NCKAP5: variants seen among roughly 807,000 people sequenced by gnomAD.
The protein encoded by NCKAP5 is NCK associated protein 5.
In NCKAP5, 92 loss-of-function variants were observed where a neutral mutation model predicts 167.0. That is an observed-to-expected ratio of 0.55 (90% confidence interval 0.47 to 0.66). NCKAP5 has a LOEUF of 0.66. Among genes scored for constraint, NCKAP5 ranks in the 30% least tolerant of loss-of-function variants. The probability of loss-of-function intolerance (pLI) is 0.00; values close to 1 mark genes in which losing one functional copy is unlikely to be tolerated. For missense variants in NCKAP5, 2,378 were observed against 2,315.0 expected (o/e 1.03, Z -0.56); for synonymous variants, 891 against 877.4 (o/e 1.02, Z -0.27).
chr2:133,635,973 T>G, the NCKAP5 span, among the ~76,000 whole-genome samples: 6 of 152,236 alleles, frequency 3.9e-5, no homozygotes, highest in African/African-American at 1.4e-4. Flanking sequence ...ATATTTTAAT[T>G]AATAATTAGA....
intron 6 of NCKAP5, among the ~76,000 whole-genome samples, chr2:133,020,743 G>A (rs1270388889): frequency 1.3e-5 from 2 of 152,228 alleles, no homozygotes; most frequent in Non-Finnish European, 2.9e-5. Flanking sequence ...CACAGGCTAG[G>A]AGGAAGGCGG....
At chr2:132,907,274 A>G (rs1312075866) in intron 8 of NCKAP5, among the ~76,000 whole-genome samples, 1 of 152,184 alleles carries the variant, frequency 6.6e-6, no homozygotes, top group East Asian at 1.9e-4. Context: ...TTGAATATAG[A>G]CTTTTCCAAC....
the NCKAP5 span, among the ~76,000 whole-genome samples, chr2:133,591,232 A>G: frequency 2.0e-5 from 3 of 152,218 alleles, no homozygotes; most frequent in African/African-American, 7.2e-5. Context: ...GATGATCAAC[A>G]TTAAACTAAG....
At position 133,085,305 on chromosome 2, in the gene NCKAP5, C is replaced by T. The variant is rs115018002; in HGVS notation, c.341+44673G>A. Among the ~76,000 whole-genome samples, 515 of 152,250 alleles carry T rather than the reference C, an allele frequency of 3.4e-3. 5 individuals are homozygous for T. Among genetic ancestry groups the T allele is most frequent in the African/African-American group, 0.011 (459 of 41,536 alleles). Reference sequence around the variant, plus strand: ...CTGCAGCAACATTTTAGAGATGATGCAGCATTTAATAGAATCACAAAGCAG... The same window carrying T: ...CTGCAGCAACATTTTAGAGATGATGTAGCATTTAATAGAATCACAAAGCAG... On this transcript the variant is annotated intron_variant, in intron 6 of 19. Transcript: ENST00000409261.
chr2:132,912,302 C>T (rs1309113098), intron 8 of NCKAP5, among the ~76,000 whole-genome samples: 1 of 152,112 alleles, frequency 6.6e-6, no homozygotes, highest in African/African-American at 2.4e-5. Context: ...AGACTTGGTA[C>T]ATAATACCAT....
intron 19 of NCKAP5, among the ~76,000 whole-genome samples, chr2:132,680,700 G>A (rs989950030): frequency 5.3e-5 from 8 of 152,112 alleles, no homozygotes; most frequent in Non-Finnish European, 1.0e-4. Context: ...TATGGAAAAC[G>A]GGGGAAAGAT....
chr2:132,858,893 C>A (rs2148706472), intron 11 of NCKAP5, among the ~76,000 whole-genome samples: 1 of 152,202 alleles, frequency 6.6e-6, no homozygotes, highest in African/African-American at 2.4e-5. Flanking sequence ...AATTCATAAA[C>A]AGGGACTGTA....
rs2081580513 is a variant in NCKAP5 at position 133,103,375 on chromosome 2, T to G, written c.341+26603A>C. 1.3e-5 allele frequency among the ~76,000 whole-genome samples: 2 copies of G among 152,208 alleles called. 1 individual carries two copies. Among genetic ancestry groups the G allele is most frequent in the South Asian group, 4.1e-4 (2 of 4,826 alleles). ...AATTTCAGACAGGTTATCAATATGG[T>G]TAAATATTCTTATTTTTGAAATGAA... is the stretch of plus-strand genomic sequence containing the variant. On this transcript the variant is annotated intron_variant, in intron 6 of 19. Coordinates refer to ENST00000409261, the MANE Select transcript of NCKAP5 (RefSeq NM_207363.3).
intron 2 of NCKAP5, among the ~76,000 whole-genome samples, chr2:133,549,055 CA>C (rs1182725335): frequency 1.3e-5 from 2 of 150,374 alleles, no homozygotes; most frequent in African/African-American, 2.4e-5. Flanking sequence ...AAATGGAAAA[CA>C]AAAAAAGGCA....
At chr2:132,785,763 T>C in intron 13 of NCKAP5, 45 bp from the exon 14 acceptor site, 2 of 1,395,832 alleles carry the variant, frequency 1.4e-6, no homozygotes, top group Non-Finnish European at 1.9e-6. Flanking sequence ...ACCATGTAGA[T>C]CACAAAGATA....
chr2:133,570,801 C>A (rs1178430089), upstream of NCKAP5, among the ~76,000 whole-genome samples: 1 of 152,156 alleles, frequency 6.6e-6, no homozygotes, highest in African/African-American at 2.4e-5. Flanking sequence ...GCTAGTCTAA[C>A]ATTAAGGAAA....
chr2:133,034,094 G>T (rs557097938), intron 6 of NCKAP5, among the ~76,000 whole-genome samples: 1 of 152,132 alleles, frequency 6.6e-6, no homozygotes, highest in Non-Finnish European at 1.5e-5. Context: ...TAAGGCCAAG[G>T]ATAAAGAAAG....
At position 133,459,164 on chromosome 2, in the gene NCKAP5, T is replaced by TGGCA. The variant is rs1692040217; in HGVS notation, c.69+58293_69+58294insTGCC. ...TTTGGCATCTGGCTAAGGAAGGATT[T>TGGCA]TCTTAGCATTTTCCTTCACAAAGCC... On this transcript the variant is annotated intron_variant, in intron 3 of 19. Transcript: ENST00000409261. Among the ~76,000 whole-genome samples, 2 of 152,150 alleles carry TGGCA rather than the reference T, an allele frequency of 1.3e-5. 1 individual carries two copies. Among genetic ancestry groups the TGGCA allele is most frequent in the South Asian group, 4.1e-4 (2 of 4,830 alleles).
intron 4 of NCKAP5, among the ~76,000 whole-genome samples, chr2:133,253,537 C>A (rs1040591606): frequency 3.9e-5 from 6 of 152,134 alleles, no homozygotes; most frequent in Admixed American, 6.6e-5. Flanking sequence ...TGCCCCCATG[C>A]CTTGGACTCC....
chr2:133,027,736 T>C (rs1261303599), intron 6 of NCKAP5, among the ~76,000 whole-genome samples: 3 of 152,248 alleles, frequency 2.0e-5, no homozygotes, highest in African/African-American at 4.8e-5. Context: ...CAACAATGCA[T>C]ATTATATGCT....
chr2:133,543,202 C>A (rs958241274), intron 2 of NCKAP5, among the ~76,000 whole-genome samples: 1 of 152,032 alleles, frequency 6.6e-6, no homozygotes, highest in Admixed American at 6.6e-5. Flanking sequence ...AGACCTGGGG[C>A]CTCCTCCCTC....
At chr2:133,281,593 A>C (rs1304977936) in intron 4 of NCKAP5, among the ~76,000 whole-genome samples, 1 of 152,214 alleles carries the variant, frequency 6.6e-6, no homozygotes, top group Non-Finnish European at 1.5e-5. Flanking sequence ...TACGGAATTG[A>C]AAAATGTTAG....
chr2:133,552,762 GA>G (rs35517588), intron 2 of NCKAP5, among the ~76,000 whole-genome samples: 41,163 of 147,306 alleles, frequency 0.28, 6,189 homozygotes, highest in East Asian at 0.38. Flanking sequence ...AAAAGAAAAA[GA>G]AAAAAAAAAG....
intron 6 of NCKAP5, among the ~76,000 whole-genome samples, chr2:132,995,425 T>C (rs955302244): frequency 1.3e-5 from 2 of 151,828 alleles, no homozygotes; most frequent in Non-Finnish European, 2.9e-5. Context: ...CTGAGGTGGG[T>C]GGGTCACCTG....
Sources: allele counts gnomAD v4.1 joint callset (sites outside exome capture counted in the v4.1 genomes callset), GRCh38; gene constraint gnomAD v4.1.1; transcripts MANE v1.5; gene names NCBI Gene and HGNC (gene_info 2026-07-23, HGNC 2026-07-21).